Variants in TAFA1 observed in about 807,000 individuals in gnomAD.
TAFA1 encodes the protein chemokine-like protein TAFA-1.
In TAFA1, 4 loss-of-function variants were observed where a neutral mutation model predicts 18.5. That is an observed-to-expected ratio of 0.22 (90% CI 0.11 to 0.49). The LOEUF is 0.49. Ranked by LOEUF, TAFA1 falls within the 20% of genes least tolerant of loss-of-function variation. TAFA1 has a pLI of 0.98. For synonymous variants in TAFA1, 56 were observed against 55.2 expected (o/e 1.01, Z -0.06); for missense variants, 147 against 169.0 (o/e 0.87, Z 0.72).
chr3:68,112,347 C>T (rs536962235), intron 2 of TAFA1, among the ~76,000 whole-genome samples: 2 of 152,040 alleles, frequency 1.3e-5, no homozygotes, highest in South Asian at 4.1e-4. Context: ...TTTAATGTTT[C>T]TTAATTTTTA....
intron 3 of TAFA1, among the ~76,000 whole-genome samples, chr3:68,506,654 G>T (rs998384123): frequency 6.6e-6 from 1 of 152,190 alleles, no homozygotes; most frequent in African/African-American, 2.4e-5. Flanking sequence ...GATAACTCAA[G>T]GTGAAATAGC....
chr3:68,281,518 GGAGTACA>G (rs1282205803), intron 2 of TAFA1, among the ~76,000 whole-genome samples: 1 of 146,198 alleles, frequency 6.8e-6, no homozygotes, highest in East Asian at 2.0e-4. Context: ...TGCCCAGGCT[GGAGTACA>G]GTGGTGCGAT....
chr3:68,026,512 T>C (rs1704820374), intron 2 of TAFA1, among the ~76,000 whole-genome samples: 1 of 152,290 alleles, frequency 6.6e-6, no homozygotes, highest in East Asian at 1.9e-4. Flanking sequence ...CTTTATCATG[T>C]ACTGTGCCCT....
intron 2 of TAFA1, among the ~76,000 whole-genome samples, chr3:68,044,507 C>T (rs1426944939): frequency 1.3e-5 from 2 of 152,212 alleles, no homozygotes; most frequent in East Asian, 1.9e-4. Context: ...ACTTCACCTC[C>T]TGCTGCTTTC....
At chr3:68,009,130 C>G (rs1256174963) in intron 2 of TAFA1, among the ~76,000 whole-genome samples, 1 of 151,958 alleles carries the variant, frequency 6.6e-6, no homozygotes, top group East Asian at 1.9e-4. Flanking sequence ...TCTTTTTTTT[C>G]TCTTGCTATT....
chr3:68,407,834 C>G (rs1221159975), intron 2 of TAFA1, among the ~76,000 whole-genome samples: 1 of 151,956 alleles, frequency 6.6e-6, no homozygotes, highest in Non-Finnish European at 1.5e-5. Flanking sequence ...TACCCGAGGA[C>G]GCTGGGAGAG....
intron 3 of TAFA1, among the ~76,000 whole-genome samples, chr3:68,458,008 A>G (rs1440093330): frequency 6.6e-6 from 1 of 152,124 alleles, no homozygotes; most frequent in Non-Finnish European, 1.5e-5. Context: ...CATTTTAATG[A>G]TCTGGTGATA....
intron 3 of TAFA1, among the ~76,000 whole-genome samples, chr3:68,506,204 GC>G (rs1164480168): frequency 6.6e-6 from 1 of 152,034 alleles, no homozygotes; most frequent in Non-Finnish European, 1.5e-5. Flanking sequence ...CCATGTACCT[GC>G]AAAGGACATG....
rs112947902 is a variant in TAFA1 at position 68,483,196 on chromosome 3, C to T, written c.260-55560C>T. On this transcript the variant is annotated intron_variant, in intron 3 of 4. Transcript: ENST00000478136. ...AGCACACACTGGAGACAGAGAAGGC[C>T]CAACTCATAAGGATCTTGCATAACT... Among the ~76,000 whole-genome samples, 1,306 of 152,156 alleles carry T rather than the reference C, an allele frequency of 8.6e-3. 12 individuals carry two copies. The highest frequency in any genetic ancestry group is 0.03 in the African/African-American group (1,233 of 41,498).
At position 68,370,454 on chromosome 3, in the gene TAFA1, A is replaced by ATGTG. The variant is rs1233179753; in HGVS notation, c.119-46810_119-46807dup. Among the ~76,000 whole-genome samples, 67 of 39,786 alleles carry ATGTG rather than the reference A, an allele frequency of 1.7e-3. 1 individual carries two copies. The highest frequency in any genetic ancestry group is 4.8e-3 in the African/African-American group (42 of 8,742). 26.1% of individuals were successfully genotyped at this position (39,786 alleles called of 152,430 possible). ...CACATATATATACATATGTATATAT[A>ATGTG]TGTGTGTGTGTGTGTGTGTATATAT... On this transcript the variant is annotated intron_variant, in intron 2 of 4. Transcript: ENST00000478136.
intron 3 of TAFA1, among the ~76,000 whole-genome samples, chr3:68,507,792 G>T (rs572308889): frequency 6.6e-6 from 1 of 151,998 alleles, no homozygotes; most frequent in Non-Finnish European, 1.5e-5. Flanking sequence ...TACAAAAACC[G>T]CACAACCCCT....
At chr3:68,366,069 G>A (rs927968379) in intron 2 of TAFA1, among the ~76,000 whole-genome samples, 2 of 139,920 alleles carry the variant, frequency 1.4e-5, no homozygotes, top group African/African-American at 2.7e-5. Flanking sequence ...CTGGGCAACA[G>A]AGCGAGACTC....
At chr3:68,436,555 C>T (rs576309339) in intron 3 of TAFA1, among the ~76,000 whole-genome samples, 12 of 152,154 alleles carry the variant, frequency 7.9e-5, no homozygotes, top group Admixed American at 3.9e-4. Context: ...TTCTTGAGCT[C>T]CAGGCTAATG....
intron 2 of TAFA1, among the ~76,000 whole-genome samples, chr3:68,357,824 T>C (rs2069394777): frequency 6.6e-6 from 1 of 151,966 alleles, no homozygotes; most frequent in Admixed American, 6.6e-5. Flanking sequence ...CTGTTCAAGT[T>C]CCCAAGGAAT....
chr3:68,379,342 T>C (rs1055794384), intron 2 of TAFA1, among the ~76,000 whole-genome samples: 1 of 152,180 alleles, frequency 6.6e-6, no homozygotes, highest in South Asian at 2.1e-4. Flanking sequence ...TTTAATGGGA[T>C]TGTTTTATTC....
intron 2 of TAFA1, among the ~76,000 whole-genome samples, chr3:68,379,437 G>A (rs1439427371): frequency 6.6e-6 from 1 of 152,168 alleles, no homozygotes; most frequent in Admixed American, 6.5e-5. Context: ...CTCCCATTCT[G>A]TAGGTTGCCT....
At chr3:68,333,674 G>A (rs2068920822) in intron 2 of TAFA1, among the ~76,000 whole-genome samples, 1 of 152,140 alleles carries the variant, frequency 6.6e-6, no homozygotes, top group African/African-American at 2.4e-5. Flanking sequence ...CCCATTTGTG[G>A]TTGTATAACC....
At chr3:68,489,474 T>G (rs1441182324) in intron 3 of TAFA1, among the ~76,000 whole-genome samples, 2 of 152,214 alleles carry the variant, frequency 1.3e-5, no homozygotes, top group Non-Finnish European at 2.9e-5. Context: ...CAAACTCTAT[T>G]TGCAAGTTGA....
chr3:68,265,101 T>A (rs910103409), intron 2 of TAFA1, among the ~76,000 whole-genome samples: 2 of 152,226 alleles, frequency 1.3e-5, no homozygotes, highest in Non-Finnish European at 2.9e-5. Flanking sequence ...TTAGTATCAT[T>A]TCCATAATCC....
Sources: gnomAD v4.1 joint callset for allele counts (sites outside exome capture counted in the v4.1 genomes callset) on GRCh38, gnomAD v4.1.1 for gene constraint, MANE v1.5 for transcripts, NCBI Gene and HGNC (gene_info 2026-07-23, HGNC 2026-07-21) for gene names.